CR1: variants seen among roughly 807,000 people sequenced by gnomAD.
The protein encoded by CR1 is complement receptor type 1.
Under a neutral mutation model 187.3 loss-of-function variants are expected in CR1, and 116 were observed. The observed-to-expected ratio is 0.62, with a 90% CI of 0.53 to 0.72. The LOEUF is 0.72. Among genes scored for constraint, CR1 ranks in the 30% least tolerant of loss-of-function variants. CR1 has a pLI of 0.00. For missense variants in CR1, 1,731 were observed against 2,110.7 expected, an observed-to-expected ratio of 0.82 and a Z score of 3.52; for synonymous variants, 576 against 747.1, an observed-to-expected ratio of 0.77 and a Z score of 3.73.
At chr1:207,618,916 A>G (rs765043604) in intron 42 of CR1, among the ~76,000 whole-genome samples, 38 of 150,064 alleles carry the variant, frequency 2.5e-4, no homozygotes, top group Admixed American at 5.3e-4. Context: ...GTGCGCGCCT[A>G]TAGTCCCAGC....
intron 13 of CR1, among the ~76,000 whole-genome samples, chr1:207,544,747 T>C (rs1257321687): frequency 6.7e-6 from 1 of 148,206 alleles, no homozygotes; most frequent in Non-Finnish European, 1.5e-5. Context: ...CTACATAGCA[T>C]GAAGAGAGGA....
chr1:207,574,347 C>G (rs1660669411), intron 27 of CR1, among the ~76,000 whole-genome samples: 1 of 152,166 alleles, frequency 6.6e-6, no homozygotes, highest in Non-Finnish European at 1.5e-5. Context: ...CACATTGATT[C>G]TATACAACAC....
rs780191339 is a variant in CR1, at chr1:207,639,626, C to T, written c.*217C>T. On this transcript the variant is annotated 3_prime_UTR_variant, in exon 47 of 47. Transcript: ENST00000367049. ...CTGTGAAACCCCCACCCTTCTGCCT[C>T]GTGCTAAACGCACACAGTATCTAGT... The T allele has an allele frequency of 3.7e-5, 19 of 514,468 alleles. No individual in the cohort carries two copies. The highest frequency in any genetic ancestry group is 1.9e-4 in the African/African-American group (10 of 52,484). The allele number at this position is 514,468 out of a possible 1,614,324, so 31.9% of individuals were successfully genotyped here.
chr1:207,524,540 T>A (rs1236353343), intron 5 of CR1, among the ~76,000 whole-genome samples: 1 of 151,978 alleles, frequency 6.6e-6, no homozygotes, highest in African/African-American at 2.4e-5. Context: ...CATGCCACCA[T>A]GCCTGGATAA....
At chr1:207,517,265 A>G (rs956282427) in intron 4 of CR1, among the ~76,000 whole-genome samples, 20 of 152,070 alleles carry the variant, frequency 1.3e-4, no homozygotes, top group African/African-American at 4.8e-4. Flanking sequence ...TGATTATCCT[A>G]TGTATGGGGG....
intron 32 of CR1, 39 bp from the exon 33 acceptor site, chr1:207,584,610 A>C (rs1327814270): frequency 6.2e-7 from 1 of 1,601,622 alleles, no homozygotes; most frequent in South Asian, 1.1e-5. Context: ...TATACTTTAA[A>C]ATTTTTTATG....
At chr1:207,630,786 G>A (rs981475915) in intron 46 of CR1, among the ~76,000 whole-genome samples, 165 bp downstream of exon 46, 4 of 151,878 alleles carry the variant, frequency 2.6e-5, no homozygotes, top group Non-Finnish European at 5.9e-5. Context: ...GATTATTATT[G>A]TCATTTCCAA....
chr1:207,630,817 A>G lies in CR1; in HGVS notation c.7457+196A>G, dbSNP rs74153336. Among the ~76,000 whole-genome samples the G allele has an allele frequency of 0.029, 4,381 of 152,096 alleles. 215 individuals carry two copies. Among genetic ancestry groups the G allele is most frequent in the African/African-American group, 0.097 (4,016 of 41,468 alleles). The stretch of plus-strand genomic sequence containing the variant: ...TCCAATGTTTTGGGGTGATGACTCT[A>G]TAAGTTAGTACAGTCACAGTCACTA... On this transcript the variant is annotated intron_variant, in intron 46 of 46. Transcript: ENST00000367049.
At chr1:207,499,134 T>C (rs1261675685) in intron 1 of CR1, among the ~76,000 whole-genome samples, 1 of 152,080 alleles carries the variant, frequency 6.6e-6, no homozygotes, top group Non-Finnish European at 1.5e-5. Context: ...GTTTTAAATA[T>C]AGACAATATA....
At chr1:207,590,789 A>G (rs1305034634) in intron 35 of CR1, among the ~76,000 whole-genome samples, 1 of 152,226 alleles carries the variant, frequency 6.6e-6, no homozygotes, top group African/African-American at 2.4e-5. Context: ...AATGGAAAGC[A>G]AATAAAAGCA....
rs1571556924 is a variant in CR1 at position 207,581,795 on chromosome 1, T to G, written c.5217-123T>G. 17 of 603,504 alleles carry G rather than the reference T, an allele frequency of 2.8e-5. No individual in the cohort carries two copies. The East Asian group carries it at 5.3e-4, about 19-fold the overall frequency. The allele number at this position is 603,504 out of a possible 1,614,324, so 37.4% of individuals were successfully genotyped here. ...TAAGTGAGTTGAGTGTTTTCACCTG[T>G]GCTTTAGCTTGAGCAGTAAAATGTT... On this transcript the variant is annotated intron_variant, in intron 31 of 46. Coordinates refer to ENST00000367049, the MANE Select transcript of CR1 (RefSeq NM_000651.6).
intron 4 of CR1, among the ~76,000 whole-genome samples, chr1:207,513,603 A>G (rs1659687433): frequency 1.3e-5 from 2 of 152,334 alleles, no homozygotes; most frequent in African/African-American, 4.8e-5. Flanking sequence ...CCAGAACCGT[A>G]CAGAGAAAGT....
rs370616329 is a variant in CR1, at chr1:207,636,676, G to A, written c.7458-2721G>A. Among the ~76,000 whole-genome samples the A allele has an allele frequency of 6.5e-3, 987 of 151,620 alleles. 15 individuals carry two copies. Among genetic ancestry groups the A allele is most frequent in the African/African-American group, 0.023 (952 of 41,344 alleles). On this transcript the variant is annotated intron_variant, in intron 46 of 46. Coordinates refer to ENST00000367049, the MANE Select transcript of CR1 (RefSeq NM_000651.6). ...CAATGCAACTCCTGCCATAGCAGCC[G>A]TAGCTGTGACTGCAATTAATCCCAT...
intron 46 of CR1, among the ~76,000 whole-genome samples, chr1:207,636,097 G>T (rs776907725): frequency 6.6e-6 from 1 of 151,564 alleles, no homozygotes; most frequent in Non-Finnish European, 1.5e-5. Context: ...CGACAAAACC[G>T]CCATCATCAT....
intron 35 of CR1, among the ~76,000 whole-genome samples, chr1:207,589,426 AG>A (rs150782343): frequency 0.017 from 2,539 of 152,326 alleles, 60 homozygotes; most frequent in African/African-American, 0.057. Context: ...ATTAACAAAA[AG>A]GACGTCCACA....
intron 4 of CR1, among the ~76,000 whole-genome samples, chr1:207,514,904 G>A (rs1659736115): frequency 6.7e-6 from 1 of 149,290 alleles, no homozygotes; most frequent in African/African-American, 2.5e-5. Context: ...TATGTGGCCT[G>A]GAGTTTACGT....
intron 45 of CR1, among the ~76,000 whole-genome samples, chr1:207,625,103 T>C (rs1252109918): frequency 6.6e-6 from 1 of 152,254 alleles, no homozygotes; most frequent in Non-Finnish European, 1.5e-5. Context: ...GATCATTTCC[T>C]CATATTAATC....
chr1:207,523,564 T>A, intron 4 of CR1, 47 bp from the exon 5 acceptor site: 1 of 1,610,396 alleles, frequency 6.2e-7, no homozygotes, highest in Non-Finnish European at 8.5e-7. Flanking sequence ...TTTCTGTCAT[T>A]CATTATTTAA....
chr1:207,619,766 T>C, intron 42 of CR1, 114 bp from the exon 43 acceptor site: 1 of 786,334 alleles, frequency 1.3e-6, no homozygotes, highest in Non-Finnish European at 2.0e-6. Flanking sequence ...TTTAAAAACA[T>C]GCTTCCTCTT....
Sources: gnomAD v4.1 joint callset for allele counts (sites outside exome capture counted in the v4.1 genomes callset) on GRCh38, gnomAD v4.1.1 for gene constraint, MANE v1.5 for transcripts, NCBI Gene and HGNC (gene_info 2026-07-23, HGNC 2026-07-21) for gene names.